SOX5: variants seen among roughly 807,000 people sequenced by gnomAD.
SOX5 encodes the protein SRY-box transcription factor 5.
In SOX5, 9 loss-of-function variants were observed where a neutral mutation model predicts 92.0. That is an observed-to-expected ratio of 0.10 (90% CI 0.06 to 0.17). The LOEUF is 0.17. SOX5 is among the 10% of genes least tolerant of loss of function. The probability of loss-of-function intolerance (pLI) is 1.00; values close to 1 mark genes in which losing one functional copy is unlikely to be tolerated. For missense variants in SOX5, 642 were observed against 944.5 expected (o/e 0.68, Z 4.20); for synonymous variants, 344 against 336.3 (o/e 1.02, Z -0.25).
intron 2 of SOX5, among the ~76,000 whole-genome samples, chr12:24,294,240 C>T (rs1946944026): frequency 6.7e-6 from 1 of 149,734 alleles, no homozygotes; most frequent in Admixed American, 6.6e-5. Context: ...TTACATCTGT[C>T]ACTTCCCCTG....
intron 8 of SOX5, among the ~76,000 whole-genome samples, chr12:23,631,374 C>A (rs1381672598): frequency 6.6e-6 from 1 of 152,168 alleles, no homozygotes; most frequent in South Asian, 2.1e-4. Context: ...AATCTGTGAA[C>A]TTGAAACACA....
intron 2 of SOX5, among the ~76,000 whole-genome samples, chr12:24,367,408 T>C (rs1020472282): frequency 3.3e-5 from 5 of 152,196 alleles, no homozygotes; most frequent in African/African-American, 1.2e-4. Flanking sequence ...ATCTATATTC[T>C]TTTGCAATAC....
chr12:23,659,934 T>A (rs2082814361), intron 7 of SOX5, among the ~76,000 whole-genome samples: 2 of 152,146 alleles, frequency 1.3e-5, no homozygotes, highest in African/African-American at 4.8e-5. Flanking sequence ...GCCACTGCAC[T>A]GGGTGACAGA....
In SOX5 at chr12:24,017,087, C is replaced by T. The variant is rs184811416; in HGVS notation, c.-1-121063G>A. Among the ~76,000 whole-genome samples the T allele has an allele frequency of 1.2e-4, 18 of 152,326 alleles. No individual in the cohort carries two copies. In the East Asian group the frequency reaches 2.1e-3, roughly 18 times the overall value. On this transcript the variant is annotated intron_variant, in intron 4 of 4. Coordinates refer to the SOX5 transcript ENST00000446891. ...GACAAGAATGTTTGTGAGGCAGTGTCGAGCCACTGGTGGCCCCATTTAACA... is the reference window on the plus strand; with the variant it reads ...GACAAGAATGTTTGTGAGGCAGTGTTGAGCCACTGGTGGCCCCATTTAACA...
intron 4 of SOX5, among the ~76,000 whole-genome samples, chr12:24,101,734 C>T (rs1946117883): frequency 6.6e-6 from 1 of 152,120 alleles, no homozygotes; most frequent in Admixed American, 6.6e-5. Context: ...AACCTGGTTC[C>T]TCCTACTATC....
At chr12:23,993,567 AC>A (rs1324456468) in intron 4 of SOX5, among the ~76,000 whole-genome samples, 1 of 152,118 alleles carries the variant, frequency 6.6e-6, no homozygotes, top group Non-Finnish European at 1.5e-5. Flanking sequence ...AGATTCAGTA[AC>A]CTTTCCCTTA....
chr12:23,676,757 T>C (rs1023432333), intron 6 of SOX5, among the ~76,000 whole-genome samples: 1 of 152,208 alleles, frequency 6.6e-6, no homozygotes, highest in African/African-American at 2.4e-5. Context: ...TCTCCGTTAT[T>C]TGGGAGAGGA....
At chr12:23,896,591 A>T (rs1180675902) in intron 1 of SOX5, among the ~76,000 whole-genome samples, 1 of 152,086 alleles carries the variant, frequency 6.6e-6, no homozygotes, top group African/African-American at 2.4e-5. Context: ...TTTAAAGCTT[A>T]TTAAGGATTG....
intron 10 of SOX5, among the ~76,000 whole-genome samples, chr12:23,570,633 G>A (rs769438312): frequency 2.0e-4 from 30 of 151,716 alleles, no homozygotes; most frequent in African/African-American, 5.3e-4. Context: ...AAAATTGGTC[G>A]GGTGTGGTGG....
chr12:24,051,329 G>T (rs559132926), intron 4 of SOX5, among the ~76,000 whole-genome samples: 14 of 151,992 alleles, frequency 9.2e-5, no homozygotes, highest in African/African-American at 3.1e-4. Flanking sequence ...ACATAATTCT[G>T]TTACCAAGAA....
At chr12:23,953,882 C>T (rs1169499536), upstream of SOX5, among the ~76,000 whole-genome samples, 1 of 151,828 alleles carries the variant, frequency 6.6e-6, no homozygotes, top group Non-Finnish European at 1.5e-5. Flanking sequence ...ATGGAATGAA[C>T]ATGAAAAAGT....
Position 23,979,607 on chromosome 12 carries a change from A to C in SOX5, c.-1-83583T>G, listed in dbSNP as rs1210205044. On this transcript the variant is annotated intron_variant, in intron 4 of 4. Transcript: ENST00000446891. ...AAAGAAAATGTAATCTTACATCTTA[A>C]TGTTTTTTCTTTTTGATGATTAATT... 3.4e-5 allele frequency among the ~76,000 whole-genome samples: 5 copies of C among 148,824 alleles called. No individual in the cohort carries two copies. The East Asian group carries it at 9.8e-4, about 29-fold the overall frequency.
At chr12:23,770,048 GTTTTTTTTT>G in intron 3 of SOX5, among the ~76,000 whole-genome samples, 1 of 106,500 alleles carries the variant, frequency 9.4e-6, no homozygotes, top group East Asian at 3.0e-4. Flanking sequence ...TGCTCCCTCT[GTTTTTTTTT>G]TTTTTTTTTG....
Position 23,610,195 on chromosome 12 carries a change from G to A in SOX5, c.1018-5662C>T, listed in dbSNP as rs568790872. Among the ~76,000 whole-genome samples the A allele has an allele frequency of 3.9e-5, 6 of 152,248 alleles. No homozygotes were observed. In the East Asian group the frequency reaches 5.8e-4, roughly 15 times the overall value. On this transcript the variant is annotated intron_variant, in intron 8 of 14. Transcript: ENST00000451604. ...CAAGTACTTTTCAGTGTGAGGAGTA[G>A]AGAAATTCTACAATCAGCTTATTTA...
At chr12:24,552,865 C>T (rs1184552168) in intron 1 of SOX5, among the ~76,000 whole-genome samples, 1 of 152,050 alleles carries the variant, frequency 6.6e-6, no homozygotes. Flanking sequence ...TCCATCTCTA[C>T]CCAAAATTTA....
At chr12:24,155,345 G>A (rs1952056785) in intron 4 of SOX5, among the ~76,000 whole-genome samples, 1 of 152,034 alleles carries the variant, frequency 6.6e-6, no homozygotes. Flanking sequence ...CTATTATCAA[G>A]TGTTTGTCAA....
intron 1 of SOX5, among the ~76,000 whole-genome samples, chr12:24,453,257 AT>A (rs560799677): frequency 1.3e-5 from 2 of 151,742 alleles, no homozygotes; most frequent in African/African-American, 2.4e-5. Context: ...AAATGCTAGA[AT>A]TTTTTTTCCT....
chr12:24,159,326 T>C (rs1312626525), intron 4 of SOX5, among the ~76,000 whole-genome samples: 1 of 151,988 alleles, frequency 6.6e-6, no homozygotes, highest in Admixed American at 6.6e-5. Flanking sequence ...TCTCCTTGGA[T>C]TTTTCCCATA....
At chr12:24,234,270 C>T (rs1414743918) in intron 3 of SOX5, among the ~76,000 whole-genome samples, 1 of 152,072 alleles carries the variant, frequency 6.6e-6, no homozygotes, top group African/African-American at 2.4e-5. Context: ...ATTCTGTGTG[C>T]CAGAATTTCT....
Sources: gnomAD v4.1 joint callset for allele counts (sites outside exome capture counted in the v4.1 genomes callset) on GRCh38, gnomAD v4.1.1 for gene constraint, MANE v1.5 for transcripts, NCBI Gene and HGNC (gene_info 2026-07-23, HGNC 2026-07-21) for gene names.